The following RAB11FIP4 variants were observed in gnomAD, a reference collection of about 807,000 sequenced individuals.
The protein encoded by RAB11FIP4 is RAB11 family interacting protein 4.
In RAB11FIP4, 23 loss-of-function variants were observed where a neutral mutation model predicts 74.3. The observed-to-expected ratio is 0.31, with a 90% CI of 0.22 to 0.44. RAB11FIP4 has a LOEUF of 0.44. Among genes scored for constraint, RAB11FIP4 ranks in the 20% least tolerant of loss-of-function variants. The pLI, the probability that RAB11FIP4 is intolerant of heterozygous loss-of-function variation, is 1.00. For missense variants in RAB11FIP4, 630 were observed against 863.9 expected (o/e 0.73, Z 3.39); for synonymous variants, 360 against 359.9 (o/e 1.00, Z 0.00).
At chr17:31,522,745 G>C in intron 7 of RAB11FIP4, 2 of 343,502 alleles carry the variant, frequency 5.8e-6, no homozygotes, top group Non-Finnish European at 1.1e-5. Flanking sequence ...GAGACCCCGG[G>C]TTTCCTGCAG....
At chr17:31,505,587 A>T (rs528957915) in intron 3 of RAB11FIP4, among the ~76,000 whole-genome samples, 20 of 76,510 alleles carry the variant, frequency 2.6e-4, no homozygotes, top group Admixed American at 4.7e-4. Context: ...ATATAATAAT[A>T]ATTATATATT....
intron 1 of RAB11FIP4, among the ~76,000 whole-genome samples, chr17:31,419,960 G>A (rs548476426): frequency 6.6e-6 from 1 of 152,318 alleles, no homozygotes; most frequent in South Asian, 2.1e-4. Context: ...AAGAGGTAGT[G>A]TAGAATTTAT....
intron 1 of RAB11FIP4, among the ~76,000 whole-genome samples, chr17:31,430,064 G>T (rs2071292570): frequency 6.6e-6 from 1 of 152,180 alleles, no homozygotes; most frequent in Non-Finnish European, 1.5e-5. Flanking sequence ...GGCCCTGATT[G>T]GATGGGGGTG....
At chr17:31,448,851 G>C (rs1436585531) in intron 3 of RAB11FIP4, among the ~76,000 whole-genome samples, 1 of 152,054 alleles carries the variant, frequency 6.6e-6, no homozygotes, top group Non-Finnish European at 1.5e-5. Context: ...CTGAGTGTGG[G>C]TTCTGCTTGA....
intron 3 of RAB11FIP4, among the ~76,000 whole-genome samples, chr17:31,444,177 T>A (rs1288228501): frequency 6.6e-6 from 1 of 152,334 alleles, no homozygotes; most frequent in African/African-American, 2.4e-5. Context: ...ATGGCACTTA[T>A]AAGTTCTAAA....
At chr17:31,455,772 C>T (rs2071573561) in intron 3 of RAB11FIP4, among the ~76,000 whole-genome samples, 1 of 152,182 alleles carries the variant, frequency 6.6e-6, no homozygotes, top group South Asian at 2.1e-4. Context: ...GACCCCTTCT[C>T]CTCAAGGGAA....
In RAB11FIP4 at chr17:31,525,248, G is replaced by C; in HGVS notation, c.1274+18G>C. On this transcript the variant is annotated intron_variant, in intron 10 of 14. Transcript: ENST00000621161. The stretch of plus-strand genomic sequence containing the variant: ...AATGCCAGGTGGGCCCCTCCACCGA[G>C]CCCCCTCCCTCAGAGGGACCCCCTG... 6.5e-7 allele frequency: 1 copy of C among 1,537,048 alleles called. No homozygotes were observed. Among genetic ancestry groups the C allele is most frequent in the Non-Finnish European group, 8.8e-7 (1 of 1,141,092 alleles).
At chr17:31,461,699 A>C (rs2071635184) in intron 3 of RAB11FIP4, among the ~76,000 whole-genome samples, 1 of 151,396 alleles carries the variant, frequency 6.6e-6, no homozygotes. Flanking sequence ...TGGGATGACA[A>C]GCATGATCCA....
chr17:31,500,456 G>A (rs1192530837), intron 3 of RAB11FIP4, among the ~76,000 whole-genome samples: 4 of 152,176 alleles, frequency 2.6e-5, no homozygotes, highest in Admixed American at 6.5e-5. Context: ...GTAATATCTT[G>A]TTCAGTTACT....
chr17:31,464,597 G>A (rs541820309), intron 3 of RAB11FIP4, among the ~76,000 whole-genome samples: 7 of 151,480 alleles, frequency 4.6e-5, no homozygotes, highest in South Asian at 2.1e-4. Flanking sequence ...GATTACAGGC[G>A]CCCACCACCA....
chr17:31,428,707 G>GTGAA (rs1388035628), intron 1 of RAB11FIP4, among the ~76,000 whole-genome samples: 4 of 152,140 alleles, frequency 2.6e-5, no homozygotes, highest in Admixed American at 6.5e-5. Flanking sequence ...GAATAAGTGA[G>GTGAA]TGAATGAATG....
chr17:31,512,999 C>T lies in RAB11FIP4; in HGVS notation c.337-4652C>T, dbSNP rs558926272. 6.6e-6 allele frequency among the ~76,000 whole-genome samples: 1 copy of T among 152,236 alleles called. No homozygotes were observed. Among genetic ancestry groups the T allele is most frequent in the East Asian group, 1.9e-4 (1 of 5,172 alleles). On this transcript the variant is annotated intron_variant, in intron 3 of 14. Coordinates refer to ENST00000621161, the MANE Select transcript of RAB11FIP4 (RefSeq NM_032932.6). This position sits in a 1 kb window ranked among gnomAD's most constrained non-coding sequence, Gnocchi z 4.1. ...TCCCTGCCCCACCACTCCTGCCAGC[C>T]CTCCAGAGCCAGGCTTGGGTGGGCG... is the stretch of plus-strand genomic sequence containing the variant.
chr17:31,497,608 G>A (rs1186813748), intron 3 of RAB11FIP4, among the ~76,000 whole-genome samples: 1 of 152,020 alleles, frequency 6.6e-6, no homozygotes, highest in Non-Finnish European at 1.5e-5. Context: ...GCACCCAGTC[G>A]GCACCTACAG....
intron 11 of RAB11FIP4, 103 bp downstream of exon 11, chr17:31,528,026 C>CA (rs544421443): frequency 2.4e-6 from 2 of 847,966 alleles, no homozygotes; most frequent in African/African-American, 1.7e-5. Flanking sequence ...CTAAGAAATG[C>CA]AAAAAAAGTG....
chr17:31,497,847 C>G (rs548473154), intron 3 of RAB11FIP4, among the ~76,000 whole-genome samples: 1 of 152,274 alleles, frequency 6.6e-6, no homozygotes, highest in South Asian at 2.1e-4. Context: ...GAGATCTTCT[C>G]TCTGCCCCCT....
chr17:31,407,911 G>C (rs1293708961), intron 1 of RAB11FIP4, among the ~76,000 whole-genome samples: 1 of 152,124 alleles, frequency 6.6e-6, no homozygotes, highest in Non-Finnish European at 1.5e-5. Context: ...AGCATCCACT[G>C]ATGCCCCTTG....
At chr17:31,497,490 A>G (rs1260900484) in intron 3 of RAB11FIP4, among the ~76,000 whole-genome samples, 1 of 152,206 alleles carries the variant, frequency 6.6e-6, no homozygotes. Context: ...TGGCAAAGGC[A>G]CAGGGGCCTG....
At chr17:31,503,831 C>A (rs992885623) in intron 3 of RAB11FIP4, among the ~76,000 whole-genome samples, 11 of 149,560 alleles carry the variant, frequency 7.4e-5, no homozygotes, top group Non-Finnish European at 1.3e-4. Flanking sequence ...TTTTCATATT[C>A]TTTTAAGTAG....
At chr17:31,488,287 C>T (rs1191394671) in intron 3 of RAB11FIP4, 290 of 1,174,614 alleles carry the variant, frequency 2.5e-4, no homozygotes, top group Non-Finnish European at 3.0e-4. Context: ...GCGGCGGCCC[C>T]GGGGCTGGCG....
Sources: allele counts gnomAD v4.1 joint callset (sites outside exome capture counted in the v4.1 genomes callset), GRCh38; gene constraint gnomAD v4.1.1; non-coding constraint Gnocchi (gnomAD v3.1); transcripts MANE v1.5; gene names NCBI Gene and HGNC (gene_info 2026-07-23, HGNC 2026-07-21).